SLCO2B1: variants seen among roughly 807,000 people sequenced by gnomAD.
SLCO2B1 encodes OATP-RP2.
A neutral mutation model predicts 67.3 loss-of-function variants in SLCO2B1; 41 were observed. The ratio of observed to expected loss-of-function variants is 0.61; its 90% CI spans 0.47 to 0.79. The LOEUF is 0.79. Ranked by LOEUF, SLCO2B1 falls within the 30% of genes least tolerant of loss-of-function variation. The pLI, the probability that SLCO2B1 is intolerant of heterozygous loss-of-function variation, is 0.00. For missense variants in SLCO2B1, 837 were observed against 920.1 expected, an observed-to-expected ratio of 0.91 and a Z score of 1.17; for synonymous variants, 379 against 381.4, an observed-to-expected ratio of 0.99 and a Z score of 0.07.
In SLCO2B1 at chr11:75,204,713, G is replaced by A. The variant is rs552886986; in HGVS notation, c.*133G>A. On this transcript the variant is annotated 3_prime_UTR_variant, in exon 14 of 14. Transcript: ENST00000289575. ...TCCACTAAATTGCTGTGTGACTTCA[G>A]GCAAGACATTGATCCTCTCTCAGCC... The A allele has an allele frequency of 1.1e-4, 76 of 717,890 alleles. No individual in the cohort carries two copies. The highest frequency in any genetic ancestry group is 1.5e-4 in the Non-Finnish European group (69 of 462,790). The allele number at this position is 717,890 out of a possible 1,614,324, so 44.5% of individuals were successfully genotyped here. A position where few individuals can be genotyped will look rare whatever the true frequency, so the allele number is the denominator to read the frequency against.
rs762768069 is a variant in SLCO2B1 at position 75,172,385 on chromosome 11, T to C, written c.788T>C (p.Ile263Thr). Residue 263 changes from isoleucine (I) to threonine (T), a missense_variant, in exon 7 of 14, where the codon ATC (isoleucine) becomes ACC (threonine). By Grantham distance (89) the Ile-to-Thr change is moderately conservative. Transcript: ENST00000289575. ...VDINQMPEGGISLTIKDPRWV... is the reference protein window; with the variant it reads ...VDINQMPEGGTSLTIKDPRWV... ...CCATGCTCTTCTCTTCCAGGTGGTA[T>C]CAGCCTGACCATAAAGGACCCCCGA... is the stretch of plus-strand genomic sequence containing the variant. 1.2e-6 allele frequency: 2 copies of C among 1,613,310 alleles called. No individual in the cohort carries two copies. Among genetic ancestry groups the C allele is most frequent in the South Asian group, 2.2e-5 (2 of 90,956 alleles).
Position 75,188,106 on chromosome 11 carries a change from G to T in SLCO2B1, c.973-30G>T, listed in dbSNP as rs77695551. 6.5e-6 allele frequency: 10 copies of T among 1,539,496 alleles called. No homozygotes were observed. In the Middle Eastern group the frequency reaches 6.0e-4, roughly 92 times the overall value. On this transcript the variant is annotated intron_variant, in intron 7 of 13. Transcript: ENST00000289575. Reference sequence around the variant, plus strand: ...CTGAGTGGGGTTGCTGGCATCCAGCGGACTGTCCTTGGTTTTGTGTCTCCT... The same window carrying T: ...CTGAGTGGGGTTGCTGGCATCCAGCTGACTGTCCTTGGTTTTGTGTCTCCT...
chr11:75,200,135 C>A, intron 10 of SLCO2B1, 89 bp from the exon 11 acceptor site: 2 of 1,371,578 alleles, frequency 1.5e-6, no homozygotes, highest in South Asian at 1.4e-5. Flanking sequence ...GGAACTTGGG[C>A]CTCTCACAAG....
At chr11:75,160,015 G>C (rs1949797263) in intron 1 of SLCO2B1, 1 of 246,498 alleles carries the variant, frequency 4.1e-6, no homozygotes, top group Admixed American at 6.5e-5. Flanking sequence ...GCTAAGTGGA[G>C]GGTCCAGGGT....
chr11:75,188,038 C>A, intron 7 of SLCO2B1, 98 bp from the exon 8 acceptor site: 1 of 733,534 alleles, frequency 1.4e-6, no homozygotes, highest in Non-Finnish European at 2.4e-6. Flanking sequence ...GGGCTCTCAC[C>A]CTCTCCTCTC....
intron 7 of SLCO2B1, among the ~76,000 whole-genome samples, chr11:75,181,552 T>C (rs1950092060): frequency 6.6e-6 from 1 of 152,118 alleles, no homozygotes; most frequent in South Asian, 2.1e-4. Context: ...GAGGGTTCCA[T>C]ATCACCCCAG....
At chr11:75,180,098 A>G (rs1022943031) in intron 7 of SLCO2B1, among the ~76,000 whole-genome samples, 1 of 152,138 alleles carries the variant, frequency 6.6e-6, no homozygotes, top group Non-Finnish European at 1.5e-5. Flanking sequence ...GCTCACTGCA[A>G]CCTCTGTCTC....
At chr11:75,195,015 C>T (rs1945080373) in intron 9 of SLCO2B1, among the ~76,000 whole-genome samples, 2 of 152,200 alleles carry the variant, frequency 1.3e-5, no homozygotes, top group Admixed American at 6.5e-5. Flanking sequence ...GACGGTCTCC[C>T]TTCGCTCAGC....
chr11:75,173,947 T>C (rs1266845087), intron 7 of SLCO2B1, among the ~76,000 whole-genome samples: 1 of 151,884 alleles, frequency 6.6e-6, no homozygotes, highest in African/African-American at 2.4e-5. Flanking sequence ...GGATTACAGG[T>C]GTGTGCCACC....
chr11:75,192,337 CT>C (rs781580676), intron 8 of SLCO2B1, among the ~76,000 whole-genome samples: 4 of 152,218 alleles, frequency 2.6e-5, no homozygotes, highest in Non-Finnish European at 4.4e-5. Context: ...ACAAAACCCC[CT>C]GATCTTTTAA....
intron 7 of SLCO2B1, among the ~76,000 whole-genome samples, chr11:75,175,958 C>A (rs1565540145): frequency 6.6e-6 from 1 of 152,102 alleles, no homozygotes; most frequent in Non-Finnish European, 1.5e-5. Flanking sequence ...GGGACAGGAG[C>A]CCTACTTTCT....
intron 6 of SLCO2B1, among the ~76,000 whole-genome samples, chr11:75,170,465 G>A (rs1949945902): frequency 6.6e-6 from 1 of 152,158 alleles, no homozygotes; most frequent in Non-Finnish European, 1.5e-5. Context: ...TCCTTGGAGA[G>A]CAGTAGCGTA....
chr11:75,196,695 CGTG>C lies in SLCO2B1; in HGVS notation c.1599+18_1599+20del. The C allele has an allele frequency of 6.2e-7, 1 of 1,609,380 alleles. No homozygotes were observed. The highest frequency in any genetic ancestry group is 8.5e-7 in the Non-Finnish European group (1 of 1,177,656). On this transcript the variant is annotated intron_variant, in intron 10 of 13. Transcript: ENST00000289575. ...CAACAGCCAGGTGAGTCAGGCCTCTCGTGGCAACCTCTGCCCCTCAGGACTCTG... is the reference window on the plus strand; with the variant it reads ...CAACAGCCAGGTGAGTCAGGCCTCTCGCAACCTCTGCCCCTCAGGACTCTG...
chr11:75,193,224 C>A lies in SLCO2B1; in HGVS notation c.1082C>A (p.Pro361His), dbSNP rs781034608. 3 of 1,608,864 alleles carry A rather than the reference C, an allele frequency of 1.9e-6. No individual in the cohort carries two copies. The highest frequency in any genetic ancestry group is 1.7e-6 in the Non-Finnish European group (2 of 1,177,730). ...LTVIQFIKVF[P>H]RVLLQTLRHP... ...TCTGCACTCGCCCCCACAGTCTTCC[C>A]CAGGGTGCTGCTGCAGACCCTACGC... The change falls in exon 9 of 14, where the codon CCC (proline) becomes CAC (histidine). Residue 361 changes from proline to histidine, a missense_variant. Pro to His is a moderately conservative substitution (Grantham distance 77). Coordinates refer to ENST00000289575, the MANE Select transcript of SLCO2B1 (RefSeq NM_007256.5). This position sits in a 1 kb window ranked among gnomAD's most constrained non-coding sequence, Gnocchi z 4.2.
chr11:75,158,780 A>G (rs1388769440), intron 1 of SLCO2B1, among the ~76,000 whole-genome samples: 2 of 152,190 alleles, frequency 1.3e-5, no homozygotes, highest in Admixed American at 6.5e-5. Flanking sequence ...TGGGATTCCA[A>G]CCCAGGTCTG....
chr11:75,152,185 C>T (rs1452266724), intron 1 of SLCO2B1: 1 of 152,344 alleles, frequency 6.6e-6, no homozygotes, highest in Non-Finnish European at 1.5e-5. Flanking sequence ...TGGCCCAACA[C>T]TTTCTGGGAA....
intron 6 of SLCO2B1, among the ~76,000 whole-genome samples, chr11:75,171,875 A>C (rs1168295220): frequency 1.3e-5 from 2 of 152,224 alleles, no homozygotes; most frequent in Non-Finnish European, 2.9e-5. Context: ...ACACAACAGT[A>C]ATCCTAAACA....
intron 13 of SLCO2B1, 56 bp downstream of exon 13, chr11:75,203,483 C>T: frequency 6.2e-7 from 1 of 1,604,556 alleles, no homozygotes; most frequent in South Asian, 1.1e-5. Flanking sequence ...CTCAGAGTCC[C>T]AGGCAGGATA....
intron 1 of SLCO2B1, among the ~76,000 whole-genome samples, chr11:75,156,404 C>G (rs1322047228): frequency 3.5e-4 from 54 of 152,202 alleles, no homozygotes; most frequent in Non-Finnish European, 5.7e-4. Context: ...AGCTGGGCTG[C>G]AGGAGCTTGG....
Sources: gnomAD v4.1 joint callset for allele counts (sites outside exome capture counted in the v4.1 genomes callset) on GRCh38, gnomAD v4.1.1 for gene constraint, Gnocchi (gnomAD v3.1) non-coding constraint, MANE v1.5 for transcripts, NCBI Gene and HGNC (gene_info 2026-07-23, HGNC 2026-07-21) for gene names.